The following HNRNPH1 variants were observed in gnomAD, a reference collection of about 807,000 sequenced individuals.
The protein encoded by HNRNPH1 is heterogeneous nuclear ribonucleoprotein H.
A neutral mutation model predicts 58.6 loss-of-function variants in HNRNPH1; 4 were observed. That is an observed-to-expected ratio of 0.07 (90% CI 0.03 to 0.16). The LOEUF is 0.16. HNRNPH1 is among the 10% of genes least tolerant of loss of function. The pLI, the probability that HNRNPH1 is intolerant of heterozygous loss-of-function variation, is 1.00. For synonymous variants in HNRNPH1, 192 were observed against 189.2 expected, an observed-to-expected ratio of 1.01 and a Z score of -0.12; for missense variants, 271 against 564.2, an observed-to-expected ratio of 0.48 and a Z score of 5.26.
At chr5:179,622,704 C>T (rs2127698530) in intron 1 of HNRNPH1, 1 of 152,466 alleles carries the variant, frequency 6.6e-6, no homozygotes, top group East Asian at 1.9e-4. Flanking sequence ...GAGACTCCAA[C>T]TCAAAAGAAA....
intron 8 of HNRNPH1, 154 bp from the exon 10 acceptor site, chr5:179,617,264 C>A: frequency 1.3e-6 from 1 of 788,954 alleles, no homozygotes; most frequent in Non-Finnish European, 2.0e-6. Flanking sequence ...ACTTTAACTC[C>A]AAAATCTAGC....
At chr5:179,621,647 T>C in intron 1 of HNRNPH1, 3 of 516,546 alleles carry the variant, frequency 5.8e-6, no homozygotes, top group Non-Finnish European at 1.0e-5. Flanking sequence ...TTTATCTCTT[T>C]AGTCCTTGCT....
intron 1 of HNRNPH1, 183 bp from the exon 3 acceptor site, chr5:179,621,580 G>A (rs1772354015): frequency 6.8e-6 from 4 of 592,134 alleles, no homozygotes; most frequent in South Asian, 4.4e-5. Flanking sequence ...CATTCCTAAG[G>A]TGATATATTT....
upstream of HNRNPH1, among the ~76,000 whole-genome samples, chr5:179,628,425 C>G (rs1236599983): frequency 1.3e-5 from 2 of 152,154 alleles, no homozygotes; most frequent in Non-Finnish European, 2.9e-5. Context: ...ATGATCTCGG[C>G]TTACTGCAAC....
intron 8 of HNRNPH1, 124 bp from the exon 10 acceptor site, chr5:179,617,234 C>A: frequency 1.0e-6 from 1 of 962,500 alleles, no homozygotes; most frequent in East Asian, 2.6e-5. Flanking sequence ...GAAATTCTAG[C>A]TACTTCTCTT....
chr5:179,622,763 A>T (rs1207605509), intron 1 of HNRNPH1: 2 of 152,266 alleles, frequency 1.3e-5, no homozygotes, highest in African/African-American at 4.8e-5. Flanking sequence ...AAAGATAGGT[A>T]AAGAAAACAA....
intron 3 of HNRNPH1, 62 bp downstream of exon 4, chr5:179,620,830 T>C (rs1562288203): frequency 6.6e-7 from 1 of 1,505,246 alleles, no homozygotes; most frequent in Non-Finnish European, 9.2e-7. Context: ...TTAACGTCTA[T>C]TAAATCACCT....
At chr5:179,615,951 G>A in intron 11 of HNRNPH1, 175 bp downstream of exon 12, 4 of 587,910 alleles carry the variant, frequency 6.8e-6, no homozygotes, top group Non-Finnish European at 1.2e-5. Context: ...TGGATTGAAA[G>A]CATACATTTC....
intron 1 of HNRNPH1, 114 bp downstream of exon 2, chr5:179,622,923 A>ACCCGGCCCGG (rs1160394343): frequency 7.6e-6 from 1 of 131,752 alleles, no homozygotes; most frequent in African/African-American, 2.9e-5. Context: ...CCCGGGTCCC[A>ACCCGGCCCGG]CCCGGCCCGG....
At chr5:179,619,607 C>T (rs887364878) in intron 3 of HNRNPH1, 200 bp from the exon 5 acceptor site, 1 of 475,348 alleles carries the variant, frequency 2.1e-6, no homozygotes, top group African/African-American at 1.9e-5. Flanking sequence ...TTAACACACC[C>T]ATGGTACAGT....
At chr5:179,614,985 T>G in intron 12 of HNRNPH1, 26 bp from the exon 14 acceptor site, 2 of 1,291,676 alleles carry the variant, frequency 1.5e-6, no homozygotes, top group Non-Finnish European at 1.1e-6. Flanking sequence ...TTTGACAAGT[T>G]AGGAGTAATA....
At chr5:179,615,731 T>C in intron 11 of HNRNPH1, 136 bp from the exon 13 acceptor site, 1 of 545,738 alleles carries the variant, frequency 1.8e-6, no homozygotes, top group Non-Finnish European at 3.3e-6. Context: ...ACCATTCTAC[T>C]ATTTCAAATT....
chr5:179,616,457 T>A (rs376389551), intron 10 of HNRNPH1: 4 of 553,856 alleles, frequency 7.2e-6, no homozygotes, highest in Middle Eastern at 4.8e-4. Context: ...AAAATCAACA[T>A]GATTCCGTAA....
At chr5:179,616,259 G>T (rs1369226958) in intron 10 of HNRNPH1, 41 bp from the exon 12 acceptor site, 2 of 1,479,968 alleles carry the variant, frequency 1.4e-6, no homozygotes, top group Admixed American at 3.3e-5. Flanking sequence ...TTTCTTATGT[G>T]ATGTGGTACC....
At position 179,616,789 on chromosome 5, in the gene HNRNPH1, A is replaced by C; in HGVS notation, c.1207+80T>G. ...TAAGTTTCTTATGCTAAACTTATTA[A>C]ATAAATAGATTAACTTAACTTATAA... On this transcript the variant is annotated intron_variant, in intron 10 of 12. Transcript: ENST00000356731. 7 of 1,230,278 alleles carry C rather than the reference A, an allele frequency of 5.7e-6. No individual in the cohort carries two copies. In the South Asian group the frequency reaches 9.3e-5, roughly 16 times the overall value. The allele number at this position is 1,230,278 out of a possible 1,614,324, so 76.2% of individuals were successfully genotyped here. A position where few individuals can be genotyped will look rare whatever the true frequency, so the allele number is the denominator to read the frequency against.
intron 2 of HNRNPH1, among the ~76,000 whole-genome samples, chr5:179,632,754 T>TTTTC (rs1277285471): frequency 2.2e-4 from 1 of 4,500 alleles, no homozygotes; most frequent in African/African-American, 9.1e-4. Flanking sequence ...ATCAAATATC[T>TTTTC]TTTTTTTTTT....
intron 3 of HNRNPH1, 25 bp downstream of exon 4, chr5:179,620,867 C>G (rs1772011744): frequency 6.2e-7 from 1 of 1,611,018 alleles, no homozygotes; most frequent in African/African-American, 1.3e-5. Context: ...AAACTCACTG[C>G]TCAGCAACAA....
At chr5:179,614,867 T>C (rs1214572724) in exon 13 of HNRNPH1, 1 of 1,541,264 alleles carries the variant, frequency 6.5e-7, no homozygotes, top group East Asian at 2.5e-5. Context: ...CCACTCATAC[T>C]GGACATGCTA....
Position 179,615,539 on chromosome 5 carries a change from T to C in HNRNPH1, c.*7A>G, listed in dbSNP as rs761766750. 1.4e-6 allele frequency: 2 copies of C among 1,454,774 alleles called. No homozygotes were observed. The highest frequency in any genetic ancestry group is 2.3e-5 in the East Asian group (1 of 43,836). The allele number at this position is 1,454,774 out of a possible 1,614,324, so 90.1% of individuals were successfully genotyped here. A position where few individuals can be genotyped will look rare whatever the true frequency, so the allele number is the denominator to read the frequency against. ...TGGGAATTTATATTTTTTGAGAAAA[T>C]ATTTACCTATGCAATGTTTGATTGA... is the stretch of plus-strand genomic sequence containing the variant. On this transcript the variant is annotated splice_region_variant and intron_variant, in intron 12 of 12. Transcript: ENST00000356731.
Sources: gnomAD v4.1 joint callset for allele counts (sites outside exome capture counted in the v4.1 genomes callset) on GRCh38, gnomAD v4.1.1 for gene constraint, MANE v1.5 for transcripts, NCBI Gene and HGNC (gene_info 2026-07-23, HGNC 2026-07-21) for gene names.